Variants in CHIC2 observed in about 807,000 individuals in gnomAD.
The protein encoded by CHIC2 is cysteine rich hydrophobic domain 2, also known as cysteine-rich hydrophobic domain-containing protein 2.
Under a neutral mutation model 25.9 loss-of-function variants are expected in CHIC2, and 14 were observed. That is an observed-to-expected ratio of 0.54 (90% confidence interval 0.36 to 0.85). The LOEUF (loss-of-function observed/expected upper bound fraction) is 0.85. Ranked by LOEUF, CHIC2 falls within the 40% of genes least tolerant of loss-of-function variation. The probability of loss-of-function intolerance (pLI) is 0.01; values close to 1 mark genes in which losing one functional copy is unlikely to be tolerated. For synonymous variants in CHIC2, 70 were observed against 72.0 expected (o/e 0.97, Z 0.14); for missense variants, 146 against 202.0 (o/e 0.72, Z 1.68).
At chr4:54,044,229 T>G (rs2110080969) in intron 3 of CHIC2, among the ~76,000 whole-genome samples, 1 of 152,266 alleles carries the variant, frequency 6.6e-6, no homozygotes, top group East Asian at 1.9e-4. Flanking sequence ...ACTGTCAACA[T>G]TAGACAGATC....
chr4:54,017,204 G>C (rs552156620), intron 3 of CHIC2, among the ~76,000 whole-genome samples: 1 of 150,398 alleles, frequency 6.6e-6, no homozygotes, highest in Non-Finnish European at 1.5e-5. Context: ...CTGTGGACAA[G>C]CAAATCTAAT....
chr4:54,010,351 G>A (rs568391804), intron 5 of CHIC2, among the ~76,000 whole-genome samples: 7 of 151,974 alleles, frequency 4.6e-5, no homozygotes, highest in Admixed American at 3.3e-4. Flanking sequence ...CCAAATACAC[G>A]AAATACCTTG....
intron 3 of CHIC2, among the ~76,000 whole-genome samples, chr4:54,046,237 A>G (rs1025461620): frequency 2.6e-5 from 4 of 152,218 alleles, no homozygotes; most frequent in Non-Finnish European, 5.9e-5. Flanking sequence ...ACGGTAATTT[A>G]TAGATTCAAT....
chr4:54,059,925 A>G (rs977957901), intron 1 of CHIC2: 7 of 152,220 alleles, frequency 4.6e-5, no homozygotes, highest in Non-Finnish European at 7.3e-5. Context: ...AAAAATTTCA[A>G]AACAGAAAGC....
At chr4:54,040,423 C>T (rs188948514) in intron 3 of CHIC2, among the ~76,000 whole-genome samples, 34 of 151,112 alleles carry the variant, frequency 2.2e-4, no homozygotes, top group African/African-American at 7.1e-4. Flanking sequence ...AAAAATTAGC[C>T]GAGCACGGTG....
At chr4:54,043,485 T>C (rs1014881282) in intron 3 of CHIC2, among the ~76,000 whole-genome samples, 2 of 144,534 alleles carry the variant, frequency 1.4e-5, no homozygotes, top group African/African-American at 5.2e-5. Flanking sequence ...CAGAAGAGAG[T>C]GGGGGCCAAT....
intron 3 of CHIC2, among the ~76,000 whole-genome samples, chr4:54,042,615 G>C (rs1355929156): frequency 6.6e-6 from 1 of 152,128 alleles, no homozygotes; most frequent in Non-Finnish European, 1.5e-5. Flanking sequence ...CCAACCAAGA[G>C]AGACATAGCA....
intron 3 of CHIC2, among the ~76,000 whole-genome samples, chr4:54,015,891 C>G (rs1408061202): frequency 6.6e-6 from 1 of 152,198 alleles, no homozygotes; most frequent in Non-Finnish European, 1.5e-5. Flanking sequence ...CCTTGACAAG[C>G]TCACATTGAC....
chr4:54,090,569 G>C, the CHIC2 span, among the ~76,000 whole-genome samples: 3 of 152,268 alleles, frequency 2.0e-5, no homozygotes, highest in South Asian at 4.1e-4. Context: ...CATTCCATCA[G>C]ACTCAGGGAA....
chr4:54,049,032 A>C lies in CHIC2; in HGVS notation c.253T>G (p.Trp85Gly). The C allele has an allele frequency of 6.2e-7, 1 of 1,611,902 alleles. No individual in the cohort carries two copies. Residue 85 changes from tryptophan to glycine, a missense_variant, in exon 3 of 6, where the codon TGG becomes GGG. By Grantham distance (184) the Trp-to-Gly change is radical. Coordinates refer to ENST00000263921, the MANE Select transcript of CHIC2 (RefSeq NM_012110.4). ...LKKNLPVNVR[W>G]LLCGCLCCCC... Reference sequence around the variant, plus strand: ...CAACAAAGGCAGCCACAAAGTAGCCAACGTACATTAACAGGAAGGTTCTTC... The same window carrying C: ...CAACAAAGGCAGCCACAAAGTAGCCCACGTACATTAACAGGAAGGTTCTTC...
At chr4:54,069,414 C>G (rs1314591626), upstream of CHIC2, among the ~76,000 whole-genome samples, 1 of 152,240 alleles carries the variant, frequency 6.6e-6, no homozygotes, top group Non-Finnish European at 1.5e-5. Flanking sequence ...GGTGCAGGAG[C>G]TTCTGTCCCC....
chr4:54,078,778 G>T, the CHIC2 span, among the ~76,000 whole-genome samples: 6 of 151,948 alleles, frequency 3.9e-5, no homozygotes, highest in Non-Finnish European at 7.4e-5. Flanking sequence ...GCCTCCCAAA[G>T]TGCTGGGATT....
the CHIC2 span, among the ~76,000 whole-genome samples, chr4:54,070,431 T>C: frequency 6.6e-6 from 1 of 151,986 alleles, no homozygotes; most frequent in African/African-American, 2.4e-5. Flanking sequence ...TTTATTTATT[T>C]ATTTATTTTG....
At position 54,013,906 on chromosome 4, in the gene CHIC2, T is replaced by C. The variant is rs374483260; in HGVS notation, c.388-10A>G. On this transcript the variant is annotated splice_polypyrimidine_tract_variant and intron_variant, in intron 4 of 5. Transcript: ENST00000263921. ...TCCAATGCAAGCACAGCTAGACAAG[T>C]AGGAAAGTAAAAGAAGAAAAATGAG... The C allele has an allele frequency of 3.1e-6, 5 of 1,613,056 alleles. No individual in the cohort carries two copies. Among genetic ancestry groups the C allele is most frequent in the East Asian group, 2.2e-5 (1 of 44,862 alleles).
At chr4:54,020,621 G>T (rs563517817) in intron 3 of CHIC2, among the ~76,000 whole-genome samples, 67 of 152,260 alleles carry the variant, frequency 4.4e-4, no homozygotes, top group African/African-American at 1.2e-3. Flanking sequence ...AGACCAACCA[G>T]CCCAAGGAAC....
chr4:54,010,297 G>A (rs956851024), intron 5 of CHIC2, 152 bp from the exon 6 acceptor site: 3 of 584,792 alleles, frequency 5.1e-6, no homozygotes, highest in Non-Finnish European at 9.3e-6. Flanking sequence ...TGATAATGCA[G>A]AGTTCCATCA....
chr4:54,016,661 G>C (rs1351122146), intron 3 of CHIC2, among the ~76,000 whole-genome samples: 1 of 151,924 alleles, frequency 6.6e-6, no homozygotes, highest in African/African-American at 2.4e-5. Context: ...CTTCTTTCCT[G>C]CTTGACAGGT....
chr4:54,090,305 C>A, the CHIC2 span, among the ~76,000 whole-genome samples: 2 of 152,106 alleles, frequency 1.3e-5, no homozygotes, highest in Admixed American at 1.3e-4. Flanking sequence ...CCTGTCTCAG[C>A]CTCCCAAGTA....
chr4:54,067,552 C>G (rs145762826), upstream of CHIC2, among the ~76,000 whole-genome samples: 91 of 152,292 alleles, frequency 6.0e-4, no homozygotes, highest in African/African-American at 2.0e-3. Flanking sequence ...CCAGGATCCT[C>G]TCCCTCTGTG....
Sources: allele counts gnomAD v4.1 joint callset (sites outside exome capture counted in the v4.1 genomes callset), GRCh38; gene constraint gnomAD v4.1.1; transcripts MANE v1.5; gene names NCBI Gene and HGNC (gene_info 2026-07-23, HGNC 2026-07-21).